Variants in MEI4 observed in about 807,000 individuals in gnomAD.
The protein encoded by MEI4 is meiosis-specific protein MEI4.
A neutral mutation model predicts 31.4 loss-of-function variants in MEI4; 27 were observed. The ratio of observed to expected loss-of-function variants is 0.86; its 90% CI spans 0.63 to 1.19. MEI4 has a LOEUF of 1.19. MEI4 is among the 50% of genes most tolerant of loss of function. The pLI is 0.00. For missense variants in MEI4, 329 were observed against 398.9 expected (o/e 0.82, Z 1.49); for synonymous variants, 122 against 145.4 (o/e 0.84, Z 1.16).
rs115342461 is a variant in MEI4 at position 77,736,925 on chromosome 6, A to G, written c.233-24205A>G. 4.0e-4 allele frequency among the ~76,000 whole-genome samples: 61 copies of G among 151,256 alleles called. 2 individuals carry two copies. The highest frequency in any genetic ancestry group is 1.5e-3 in the African/African-American group (60 of 40,562). ...GGATAGGATTTAGAGAGCTATGGGT[A>G]CTAGGCTATTTCAAACAAGTGGGAA... On this transcript the variant is annotated intron_variant, in intron 2 of 4. Transcript: ENST00000684080.
chr6:77,893,015 A>G (rs1766001090), intron 4 of MEI4, among the ~76,000 whole-genome samples: 1 of 152,098 alleles, frequency 6.6e-6, no homozygotes, highest in Non-Finnish European at 1.5e-5. Context: ...TCTGTGGAAA[A>G]AGATATTTTT....
chr6:77,705,587 A>C (rs562281024), intron 2 of MEI4, among the ~76,000 whole-genome samples: 1 of 152,334 alleles, frequency 6.6e-6, no homozygotes, highest in East Asian at 1.9e-4. Flanking sequence ...AAGTGGTACA[A>C]AACCAGCAGA....
chr6:77,666,880 T>TGCGTGCGTGC (rs146541507), intron 1 of MEI4, among the ~76,000 whole-genome samples: 2 of 147,566 alleles, frequency 1.4e-5, no homozygotes, highest in African/African-American at 5.0e-5. Flanking sequence ...TGTGTGTGTG[T>TGCGTGCGTGC]GTGCGTGCGT....
intron 3 of MEI4, among the ~76,000 whole-genome samples, chr6:77,801,520 C>T (rs1248585107): frequency 6.6e-6 from 1 of 152,002 alleles, no homozygotes; most frequent in Non-Finnish European, 1.5e-5. Flanking sequence ...TATTTCTTGC[C>T]TTCTGCTAGC....
At chr6:77,738,456 T>A (rs1417647535) in intron 2 of MEI4, among the ~76,000 whole-genome samples, 1 of 152,218 alleles carries the variant, frequency 6.6e-6, no homozygotes, top group Non-Finnish European at 1.5e-5. Context: ...TAGTGCTGTA[T>A]CTATTTTATC....
chr6:77,919,141 A>G (rs1331682396), intron 4 of MEI4, among the ~76,000 whole-genome samples: 2 of 152,070 alleles, frequency 1.3e-5, no homozygotes, highest in Non-Finnish European at 2.9e-5. Flanking sequence ...TTCTGCACCA[A>G]GCGGACCTAA....
At chr6:77,791,942 C>A (rs899471698) in intron 3 of MEI4, among the ~76,000 whole-genome samples, 2 of 152,224 alleles carry the variant, frequency 1.3e-5, no homozygotes, top group African/African-American at 4.8e-5. Flanking sequence ...ACCTCCCACA[C>A]CTCCTCACTA....
intron 1 of MEI4, among the ~76,000 whole-genome samples, chr6:77,660,689 C>T (rs188984136): frequency 1.5e-4 from 23 of 152,052 alleles, no homozygotes; most frequent in Non-Finnish European, 3.1e-4. Context: ...TTCAGAAATA[C>T]GAGTGAGTTT....
intron 3 of MEI4, among the ~76,000 whole-genome samples, chr6:77,768,588 T>A (rs896612378): frequency 3.3e-5 from 5 of 151,666 alleles, no homozygotes; most frequent in Non-Finnish European, 5.9e-5. Context: ...TAGTCCCAGC[T>A]ACTTGGGAGA....
At chr6:77,803,921 G>A (rs745804097) in intron 3 of MEI4, among the ~76,000 whole-genome samples, 2 of 152,146 alleles carry the variant, frequency 1.3e-5, no homozygotes, top group Non-Finnish European at 2.9e-5. Flanking sequence ...CAGGGGTCAG[G>A]GACCCACTTG....
intron 3 of MEI4, among the ~76,000 whole-genome samples, chr6:77,775,224 G>T (rs1186293544): frequency 2.0e-5 from 3 of 152,088 alleles, no homozygotes; most frequent in African/African-American, 7.2e-5. Flanking sequence ...GGGGGAACAG[G>T]TGGTGTTTGG....
chr6:77,917,871 G>A (rs1243603977), intron 4 of MEI4, among the ~76,000 whole-genome samples: 2 of 147,600 alleles, frequency 1.4e-5, no homozygotes, highest in African/African-American at 2.5e-5. Flanking sequence ...GTAATGCCTA[G>A]GTTTTCTTCT....
chr6:77,888,746 G>A (rs778430292), intron 4 of MEI4, among the ~76,000 whole-genome samples: 5 of 151,974 alleles, frequency 3.3e-5, no homozygotes, highest in Non-Finnish European at 7.4e-5. Flanking sequence ...ATACTAATAT[G>A]GCCTGGCTGT....
intron 2 of MEI4, among the ~76,000 whole-genome samples, chr6:77,736,765 A>T (rs1304962619): frequency 6.6e-6 from 1 of 152,110 alleles, no homozygotes; most frequent in Admixed American, 6.5e-5. Context: ...GTAAGATTAC[A>T]TCATTAATTG....
At chr6:77,698,290 G>T (rs950930048) in intron 2 of MEI4, among the ~76,000 whole-genome samples, 2 of 152,118 alleles carry the variant, frequency 1.3e-5, no homozygotes, top group Non-Finnish European at 1.5e-5. Context: ...ATTGTTATGT[G>T]TGAATTTGAT....
Position 77,690,649 on chromosome 6 carries a change from A to T in MEI4, c.-14-9A>T, listed in dbSNP as rs59031566. ...GAATTTCTATAACTTTTTTCTTATT[A>T]AATGATAGGGACAAAAGCCAGGATG... On this transcript the variant is annotated splice_polypyrimidine_tract_variant and intron_variant, in intron 1 of 4. Transcript: ENST00000684080. 0.15 allele frequency: 173,283 copies of T among 1,190,014 alleles called. 13,049 individuals are homozygous for T. Among genetic ancestry groups the T allele is most frequent in the East Asian group, 0.25 (7,734 of 31,494 alleles). 73.7% of individuals were successfully genotyped at this position (1,190,014 alleles called of 1,614,324 possible).
At chr6:77,854,961 A>G (rs1050010235) in intron 4 of MEI4, among the ~76,000 whole-genome samples, 2 of 138,056 alleles carry the variant, frequency 1.4e-5, no homozygotes, top group African/African-American at 5.3e-5. Context: ...TCCCCAAAAT[A>G]ATAATAATAG....
intron 4 of MEI4, among the ~76,000 whole-genome samples, chr6:77,919,825 C>T (rs1418918918): frequency 8.1e-5 from 12 of 148,776 alleles, no homozygotes; most frequent in South Asian, 4.3e-4. Flanking sequence ...ATATCACCAC[C>T]GATCCCACAG....
chr6:77,733,573 A>T (rs984947046), intron 2 of MEI4, among the ~76,000 whole-genome samples: 2 of 152,004 alleles, frequency 1.3e-5, no homozygotes, highest in Non-Finnish European at 2.9e-5. Flanking sequence ...CATTTCAAAA[A>T]ACCAGCTCCT....
Sources: allele counts gnomAD v4.1 joint callset (sites outside exome capture counted in the v4.1 genomes callset), GRCh38; gene constraint gnomAD v4.1.1; transcripts MANE v1.5; gene names NCBI Gene and HGNC (gene_info 2026-07-23, HGNC 2026-07-21).